CPOX: variants seen among roughly 807,000 people sequenced by gnomAD.
CPOX encodes oxygen-dependent coproporphyrinogen-III oxidase, mitochondrial.
A neutral mutation model predicts 48.9 loss-of-function variants in CPOX; 24 were observed. The observed-to-expected ratio is 0.49, with a 90% CI of 0.36 to 0.69. The LOEUF (loss-of-function observed/expected upper bound fraction) is 0.69, where lower values mean the gene tolerates loss of function less well. CPOX is among the 30% of genes least tolerant of loss of function. The pLI, the probability that CPOX is intolerant of heterozygous loss-of-function variation, is 0.00. For missense variants in CPOX, 549 were observed against 597.3 expected (o/e 0.92, Z 0.84); for synonymous variants, 249 against 234.6 (o/e 1.06, Z -0.56).
downstream of CPOX, chr3:98,579,386 G>A (rs1312887925): frequency 3.4e-5 from 19 of 551,620 alleles, no homozygotes; most frequent in Non-Finnish European, 4.4e-5. Flanking sequence ...AGGATCAACT[G>A]TACTAAGAAA....
chr3:98,588,983 C>A, intron 3 of CPOX, 129 bp from the exon 4 acceptor site: 1 of 1,081,532 alleles, frequency 9.2e-7, no homozygotes, highest in Non-Finnish European at 1.4e-6. Flanking sequence ...AAAATTTTAA[C>A]TGATTTTAGC....
In CPOX at chr3:98,585,618, C is replaced by T. The variant is rs781627991; in HGVS notation, c.995G>A (p.Arg332Gln). ...YFFIAHRGER[R>Q]GIGGIFFDDL... ...ATCAAAAAAGATACCACCAATGCCC[C>T]GCCGTTCTCCACGATGGGCTATAAA... The change falls in exon 5 of 7, where the codon CGG becomes CAG. Residue 332 changes from arginine (R) to glutamine (Q), a missense_variant. This residue lies in a region of CPOX where 213 missense variants were observed against 279.1 expected (regional missense o/e 0.76). Coordinates refer to ENST00000647941, the MANE Select transcript of CPOX (RefSeq NM_000097.7). 5.6e-6 allele frequency: 9 copies of T among 1,614,020 alleles called. No homozygotes were observed. The highest frequency in any genetic ancestry group is 6.8e-6 in the Non-Finnish European group (8 of 1,179,972).
chr3:98,585,165 T>C (rs4857403), intron 5 of CPOX, among the ~76,000 whole-genome samples: 1 of 152,068 alleles, frequency 6.6e-6, no homozygotes, highest in Non-Finnish European at 1.5e-5. Context: ...GGCTGGAGGG[T>C]ATTACAAGAA....
chr3:98,579,795 T>C lies in CPOX; in HGVS notation c.*888A>G. The C allele has an allele frequency of 2.0e-6, 2 of 985,334 alleles. No homozygotes were observed. The highest frequency in any genetic ancestry group is 2.4e-6 in the Non-Finnish European group (2 of 829,422). 61.0% of individuals were successfully genotyped at this position (985,334 alleles called of 1,614,324 possible). A position where few individuals can be genotyped will look rare whatever the true frequency, so the allele number is the denominator to read the frequency against. ...GCCTCCAAGTTTCTCATACTATATA[T>C]ACTTGCTTTAAAGAAGGAAATTATT... On this transcript the variant is annotated 3_prime_UTR_variant, in exon 7 of 7. Coordinates refer to ENST00000647941, the MANE Select transcript of CPOX (RefSeq NM_000097.7).
At chr3:98,573,394 C>T in the CPOX span, among the ~76,000 whole-genome samples, 1 of 152,206 alleles carries the variant, frequency 6.6e-6, no homozygotes, top group African/African-American at 2.4e-5. Context: ...TGTCCAACAA[C>T]AGCATAGTTC....
intron 4 of CPOX, 124 bp from the exon 5 acceptor site, chr3:98,585,783 G>C (rs1250484924): frequency 1.3e-6 from 1 of 785,908 alleles, no homozygotes; most frequent in Admixed American, 2.0e-5. Flanking sequence ...CTTACTTGCT[G>C]TCCAACTATG....
At chr3:98,576,906 T>C (rs937198509), downstream of CPOX, among the ~76,000 whole-genome samples, 2 of 152,070 alleles carry the variant, frequency 1.3e-5, no homozygotes, top group Admixed American at 6.6e-5. Flanking sequence ...GCAGGTACTA[T>C]AAATAAGGAA....
chr3:98,592,384 A>G (rs1045231329), intron 1 of CPOX, among the ~76,000 whole-genome samples: 1 of 152,132 alleles, frequency 6.6e-6, no homozygotes, highest in Non-Finnish European at 1.5e-5. Context: ...GGAAGAGAAG[A>G]TTTTCCTAGC....
intron 5 of CPOX, 146 bp downstream of exon 5, chr3:98,585,295 T>C: frequency 1.4e-6 from 1 of 737,072 alleles, no homozygotes. Flanking sequence ...CTTTACACAA[T>C]GTCTTTTAAT....
Position 98,593,548 on chromosome 3 carries a change from C to A in CPOX, c.-44G>T. The A allele has an allele frequency of 6.7e-7, 1 of 1,503,226 alleles. No individual in the cohort carries two copies. The highest frequency in any genetic ancestry group is 8.9e-7 in the Non-Finnish European group (1 of 1,129,332). The allele number at this position is 1,503,226 out of a possible 1,614,324, so 93.1% of individuals were successfully genotyped here. A position where few individuals can be genotyped will look rare whatever the true frequency, so the allele number is the denominator to read the frequency against. ...GGAGCAGTGCCTGCGTCCCAGAGCC[C>A]TGCGTTTGAGCCCCCCACCCAGACC... On this transcript the variant is annotated 5_prime_UTR_variant, in exon 1 of 7. In the 5' UTR this introduces an upstream ATG that the reference lacks. Coordinates refer to ENST00000647941, the MANE Select transcript of CPOX (RefSeq NM_000097.7).
chr3:98,572,001 G>A, the CPOX span, among the ~76,000 whole-genome samples: 52 of 152,258 alleles, frequency 3.4e-4, no homozygotes, highest in Middle Eastern at 3.4e-3. Context: ...TTTTATGAAT[G>A]TCCCTAGGTA....
rs1406801150 is a variant in CPOX, at chr3:98,593,572, C to A, written c.-68G>T. 1.3e-5 allele frequency: 19 copies of A among 1,448,358 alleles called. No homozygotes were observed. Among genetic ancestry groups the A allele is most frequent in the African/African-American group, 4.3e-5 (3 of 69,190 alleles). 89.7% of individuals were successfully genotyped at this position (1,448,358 alleles called of 1,614,324 possible). On this transcript the variant is annotated 5_prime_UTR_variant, in exon 1 of 7. Coordinates refer to ENST00000647941, the MANE Select transcript of CPOX (RefSeq NM_000097.7). ...CCTGCGTTTGAGCCCCCCACCCAGACCCCCGGAGTATTGAGCCGGCGAGCT... is the reference window on the plus strand; with the variant it reads ...CCTGCGTTTGAGCCCCCCACCCAGAACCCCGGAGTATTGAGCCGGCGAGCT...
Position 98,593,465 on chromosome 3 carries a change from A to T in CPOX, c.40T>A (p.Trp14Arg). Residue 14 changes from tryptophan to arginine, a missense_variant, in exon 1 of 7, where the codon TGG (tryptophan) becomes AGG (arginine). Trp to Arg is a moderately radical substitution (Grantham distance 101, BLOSUM62 -3). Around this residue, in one of 2 missense-constraint regions of CPOX, gnomAD observed 336 missense variants for 318.1 expected, o/e 1.06. Coordinates refer to ENST00000647941, the MANE Select transcript of CPOX (RefSeq NM_000097.7). ...CCGCAGCCGCCCCGCGCCACGAGCC[A>T]GCAGGGGCCCGAGCTCAGCCTGCCC... ...QLGRLSSGPC[W>R]LVARGGCGGP... is the part of the protein sequence containing the mutation. 6.6e-7 allele frequency: 1 copy of T among 1,506,898 alleles called. No homozygotes were observed. The highest frequency in any genetic ancestry group is 2.7e-5 in the East Asian group (1 of 37,700). 93.3% of individuals were successfully genotyped at this position (1,506,898 alleles called of 1,614,324 possible).
intron 6 of CPOX, 96 bp from the exon 7 acceptor site, chr3:98,580,866 A>T (rs1025825629): frequency 1.3e-5 from 17 of 1,354,332 alleles, no homozygotes; most frequent in East Asian, 2.6e-5. Context: ...CTAAGAATAA[A>T]AAAAAAAAAA....
chr3:98,578,218 A>T, downstream of CPOX: 1 of 945,598 alleles, frequency 1.1e-6, no homozygotes, highest in Non-Finnish European at 1.3e-6. Flanking sequence ...TAGTTATGCA[A>T]TTCTTTTCAG....
intron 4 of CPOX, among the ~76,000 whole-genome samples, chr3:98,586,984 G>A (rs556001424): frequency 1.3e-5 from 2 of 152,036 alleles, no homozygotes; most frequent in Non-Finnish European, 2.9e-5. Context: ...CAAAAAAGAA[G>A]CCATTTCCTA....
Position 98,593,198 on chromosome 3 carries a change from G to A in CPOX, c.307C>T (p.Pro103Ser), listed in dbSNP as rs1559680700. The A allele has an allele frequency of 2.5e-6, 4 of 1,600,858 alleles. No homozygotes were observed. The highest frequency in any genetic ancestry group is 1.1e-5 in the South Asian group (1 of 89,888). ...FGHVQRAEML[P>S]KTSGTRATSL... Reference sequence around the variant, plus strand: ...GTGGCCCGCGTCCCCGAGGTCTTAGGCAACATCTCCGCCCGCTGCACATGC... The same window carrying A: ...GTGGCCCGCGTCCCCGAGGTCTTAGACAACATCTCCGCCCGCTGCACATGC... Residue 103 changes from proline to serine, a missense_variant, in exon 1 of 7, where the codon CCT becomes TCT. By Grantham distance (74) the Pro-to-Ser change is moderately conservative. Around this residue, in one of 2 missense-constraint regions of CPOX, gnomAD observed 336 missense variants for 318.1 expected, o/e 1.06. Coordinates refer to ENST00000647941, the MANE Select transcript of CPOX (RefSeq NM_000097.7).
In CPOX at chr3:98,580,053, C is replaced by A; in HGVS notation, c.*630G>T. On this transcript the variant is annotated 3_prime_UTR_variant, in exon 7 of 7. Coordinates refer to ENST00000647941, the MANE Select transcript of CPOX (RefSeq NM_000097.7). ...CATCTCTAAAATAATAGTAATGTCA[C>A]TTTAGAGTTTACAAACTACAGAAAT... 1 of 982,356 alleles carries A rather than the reference C, an allele frequency of 1.0e-6. No homozygotes were observed. The highest frequency in any genetic ancestry group is 4.7e-5 in the South Asian group (1 of 21,214). The allele number at this position is 982,356 out of a possible 1,614,324, so 60.9% of individuals were successfully genotyped here.
At position 98,580,584 on chromosome 3, in the gene CPOX, G is replaced by C; in HGVS notation, c.*99C>G. ...TAGGGTGCAGAGTGGAGAAGACTAA[G>C]GCACGGGTAACTGCCACACAGTGGC... On this transcript the variant is annotated 3_prime_UTR_variant, in exon 7 of 7. Coordinates refer to ENST00000647941, the MANE Select transcript of CPOX (RefSeq NM_000097.7). 4 of 1,589,968 alleles carry C rather than the reference G, an allele frequency of 2.5e-6. No individual in the cohort carries two copies. The highest frequency in any genetic ancestry group is 3.4e-6 in the Non-Finnish European group (4 of 1,167,982).
Sources: gnomAD v4.1 joint callset for allele counts (sites outside exome capture counted in the v4.1 genomes callset) on GRCh38, gnomAD v4.1.1 for gene constraint, gnomAD v4.1.1 regional missense constraint, MANE v1.5 for transcripts, NCBI Gene and HGNC (gene_info 2026-07-23, HGNC 2026-07-21) for gene names.